The following KY variants were observed in gnomAD, a reference collection of about 807,000 sequenced individuals.
KY encodes kyphoscoliosis peptidase.
A neutral mutation model predicts 76.1 loss-of-function variants in KY; 43 were observed. The observed-to-expected ratio is 0.57, with a 90% CI of 0.44 to 0.73. The LOEUF is 0.73. KY is among the 30% of genes least tolerant of loss of function. The pLI is 0.00. For missense variants in KY, 722 were observed against 828.9 expected, an observed-to-expected ratio of 0.87 and a Z score of 1.58; for synonymous variants, 277 against 326.2, an observed-to-expected ratio of 0.85 and a Z score of 1.63.
In KY at chr3:134,604,057, A is replaced by T. The variant is rs1400239792; in HGVS notation, c.1508T>A (p.Ile503Asn). Residue 503 changes from isoleucine (I) to asparagine (N), a missense_variant, in exon 11 of 11, where the codon ATC becomes AAC. Physicochemically the swap from Ile to Asn is moderately radical, Grantham distance 149. Transcript: ENST00000423778. Reference protein sequence around the residue: ...LASLHGDDGPITEETQRRYIF... With the variant: ...LASLHGDDGPNTEETQRRYIF... Reference sequence around the variant, plus strand: ...GTAGCGCCGCTGTGTCTCCTCAGTGATGGGGCCATCATCCCCGTGGAGGGA... The same window carrying T: ...GTAGCGCCGCTGTGTCTCCTCAGTGTTGGGGCCATCATCCCCGTGGAGGGA... The T allele has an allele frequency of 6.2e-7, 1 of 1,613,890 alleles. No homozygotes were observed. The highest frequency in any genetic ancestry group is 2.2e-5 in the East Asian group (1 of 44,878).
At chr3:134,643,091 G>A (rs1050968855) in intron 3 of KY, among the ~76,000 whole-genome samples, 5 of 152,196 alleles carry the variant, frequency 3.3e-5, no homozygotes, top group Admixed American at 3.3e-4. Context: ...AGGCCCATGG[G>A]CTTTATTTCT....
intron 6 of KY, 120 bp from the exon 7 acceptor site, chr3:134,620,977 C>T (rs1962519775): frequency 1.3e-5 from 9 of 670,810 alleles, no homozygotes; most frequent in Admixed American, 4.6e-5. Context: ...GAGGAGAGGT[C>T]CTGAGGGGCA....
chr3:134,616,370 G>C (rs956657965), intron 8 of KY, among the ~76,000 whole-genome samples: 3 of 152,188 alleles, frequency 2.0e-5, no homozygotes, highest in Non-Finnish European at 2.9e-5. Flanking sequence ...AAAAAGTAAT[G>C]ATGTCCACCC....
At chr3:134,627,597 A>G (rs936249953) in intron 5 of KY, among the ~76,000 whole-genome samples, 159 bp downstream of exon 5, 3 of 152,160 alleles carry the variant, frequency 2.0e-5, no homozygotes, top group African/African-American at 7.2e-5. Context: ...CATGGCAGAC[A>G]TTGCTAATCA....
Position 134,604,285 on chromosome 3 carries a change from G to A in KY, c.1280C>T (p.Ser427Leu), listed in dbSNP as rs1369266986. 1 of 1,614,000 alleles carries A rather than the reference G, an allele frequency of 6.2e-7. No homozygotes were observed. Among genetic ancestry groups the A allele is most frequent in the Non-Finnish European group, 8.5e-7 (1 of 1,179,890 alleles). Residue 427 changes from serine to leucine, a missense_variant, in exon 11 of 11, where the codon TCA becomes TTA. Transcript: ENST00000423778. ...GCACTTGAGCGTGTACTCCAGCACT[G>A]AGCTGTAGATGTCGGAGTTGCCCTT... Reference protein sequence around the residue: ...FAKGNSDIYSSVLEYTLKCNY... With the variant: ...FAKGNSDIYSLVLEYTLKCNY...
At chr3:134,624,099 C>T (rs543590707) in intron 6 of KY, among the ~76,000 whole-genome samples, 1 of 152,204 alleles carries the variant, frequency 6.6e-6, no homozygotes, top group African/African-American at 2.4e-5. Context: ...AAAACTTGCT[C>T]CTTCTCCCTT....
At chr3:134,621,548 C>T (rs2107840433) in intron 6 of KY, among the ~76,000 whole-genome samples, 1 of 152,242 alleles carries the variant, frequency 6.6e-6, no homozygotes, top group African/African-American at 2.4e-5. Flanking sequence ...CTACCTCATG[C>T]CATATACAAA....
chr3:134,604,205 G>A lies in KY; in HGVS notation c.1360C>T (p.Pro454Ser). Residue 454 changes from proline to serine, a missense_variant, in exon 11 of 11, where the codon CCC (proline) becomes TCC (serine). By Grantham distance (74) the Pro-to-Ser change is moderately conservative (BLOSUM62 -1). Coordinates refer to ENST00000423778, the MANE Select transcript of KY (RefSeq NM_178554.6). ...LPAELHQPVG[P>S]SWFSEQMGIM... ...CCCATCTGCTCCGAGAACCAGCTGG[G>A]GCCCACGGGCTGGTGAAGCTCAGCA... is the stretch of plus-strand genomic sequence containing the variant. 1 of 1,612,736 alleles carries A rather than the reference G, an allele frequency of 6.2e-7. No homozygotes were observed. The highest frequency in any genetic ancestry group is 8.5e-7 in the Non-Finnish European group (1 of 1,179,468).
intron 8 of KY, among the ~76,000 whole-genome samples, chr3:134,617,256 C>T (rs2107812228): frequency 6.6e-6 from 1 of 152,268 alleles, no homozygotes; most frequent in African/African-American, 2.4e-5. Flanking sequence ...GGAAAATAAT[C>T]ATGTTCTGAA....
chr3:134,627,508 G>A (rs990560331), intron 5 of KY, among the ~76,000 whole-genome samples: 1 of 152,172 alleles, frequency 6.6e-6, no homozygotes, highest in African/African-American at 2.4e-5. Flanking sequence ...ATAATGGTCT[G>A]CCTTGTTATT....
Position 134,601,440 on chromosome 3 carries a change from G to GC in KY, c.*2138dup, listed in dbSNP as rs1958959827. Among the ~76,000 whole-genome samples the GC allele has an allele frequency of 6.6e-6, 1 of 152,228 alleles. No individual in the cohort carries two copies. The highest frequency in any genetic ancestry group is 1.5e-5 in the Non-Finnish European group (1 of 68,038). ...AGCAGGACTAAGCGAGGCAGCCAGC[G>GC]CGGGGTCCAGTGAGTGACATGCGTC... On this transcript the variant is annotated 3_prime_UTR_variant, in exon 11 of 11. Coordinates refer to ENST00000423778, the MANE Select transcript of KY (RefSeq NM_178554.6).
In KY at chr3:134,607,111, G is replaced by C. The variant is rs1959315965; in HGVS notation, c.1090+1538C>G. 3 of 985,246 alleles carry C rather than the reference G, an allele frequency of 3.0e-6. No individual in the cohort carries two copies. The African/African-American group carries it at 5.2e-5, about 17-fold the overall frequency. The allele number at this position is 985,246 out of a possible 1,614,324, so 61.0% of individuals were successfully genotyped here. ...AACTCCACTCAATGACATCAGTTTGGTGTTGCTTTGACCTGGTCAGTTCTT... is the reference window on the plus strand; with the variant it reads ...AACTCCACTCAATGACATCAGTTTGCTGTTGCTTTGACCTGGTCAGTTCTT... On this transcript the variant is annotated intron_variant, in intron 10 of 10. Transcript: ENST00000423778.
In KY at chr3:134,619,281, G is replaced by A. The variant is rs1337919464; in HGVS notation, c.593-16C>T. 2 of 1,595,116 alleles carry A rather than the reference G, an allele frequency of 1.3e-6. No homozygotes were observed. Among genetic ancestry groups the A allele is most frequent in the South Asian group, 1.1e-5 (1 of 90,734 alleles). The stretch of plus-strand genomic sequence containing the variant: ...ATGTCATACTCTATAGGGCAGGTGA[G>A]GGGATCATGAAGAGCTTGAGCCTGG... On this transcript the variant is annotated splice_polypyrimidine_tract_variant and intron_variant, in intron 7 of 10. Transcript: ENST00000423778.
chr3:134,613,871 G>C (rs1961005549), intron 8 of KY, among the ~76,000 whole-genome samples: 1 of 152,144 alleles, frequency 6.6e-6, no homozygotes, highest in Non-Finnish European at 1.5e-5. Context: ...AGCCACTCTT[G>C]CTAGCCAGGA....
At chr3:134,626,510 G>A (rs1412909720) in intron 5 of KY, among the ~76,000 whole-genome samples, 1 of 152,164 alleles carries the variant, frequency 6.6e-6, no homozygotes, top group African/African-American at 2.4e-5. Context: ...GCAGGTACAT[G>A]CAGGGAGGGA....
In KY at chr3:134,608,830, C is replaced by A; in HGVS notation, c.909G>T (p.Glu303Asp). 2 of 1,608,574 alleles carry A rather than the reference C, an allele frequency of 1.2e-6. No individual in the cohort carries two copies. The highest frequency in any genetic ancestry group is 1.7e-6 in the Non-Finnish European group (2 of 1,175,898). Residue 303 changes from glutamate to aspartate, a missense_variant, in exon 10 of 11, where the codon GAG becomes GAT. Glu to Asp is a conservative substitution (Grantham distance 45). Around this residue, in one of 2 missense-constraint regions of KY, gnomAD observed 552 missense variants for 680.9 expected, o/e 0.81. Transcript: ENST00000423778. ...GTGCAGGGTGGGTGAGGAAGTAGAACTCATTGTAGCTGGAGCAGAGACAAG... is the reference window on the plus strand; with the variant it reads ...GTGCAGGGTGGGTGAGGAAGTAGAAATCATTGTAGCTGGAGCAGAGACAAG... ...ITSKFTFLYN[E>D]FYFLTHPALF... is the part of the protein sequence containing the mutation.
intron 5 of KY, among the ~76,000 whole-genome samples, chr3:134,626,992 C>T (rs1306623544): frequency 1.3e-5 from 2 of 152,338 alleles, no homozygotes; most frequent in East Asian, 1.9e-4. Flanking sequence ...GATTTCCACT[C>T]AGTATAGCTC....
intron 6 of KY, among the ~76,000 whole-genome samples, chr3:134,622,726 G>A (rs140741081): frequency 6.6e-6 from 1 of 152,150 alleles, no homozygotes; most frequent in African/African-American, 2.4e-5. Context: ...TTTCTTCGTA[G>A]GGGCCCTCAG....
intron 3 of KY, among the ~76,000 whole-genome samples, chr3:134,631,699 A>C (rs1296731513): frequency 6.6e-6 from 1 of 152,136 alleles, no homozygotes; most frequent in African/African-American, 2.4e-5. Flanking sequence ...TACATACAAA[A>C]ATAGCTATTA....
Sources: gnomAD v4.1 joint callset for allele counts (sites outside exome capture counted in the v4.1 genomes callset) on GRCh38, gnomAD v4.1.1 for gene constraint, gnomAD v4.1.1 regional missense constraint, MANE v1.5 for transcripts, NCBI Gene and HGNC (gene_info 2026-07-23, HGNC 2026-07-21) for gene names.